SORCS3: variants seen among roughly 807,000 people sequenced by gnomAD.
The protein encoded by SORCS3 is sortilin related VPS10 domain containing receptor 3.
A neutral mutation model predicts 146.3 loss-of-function variants in SORCS3; 57 were observed. The ratio of observed to expected loss-of-function variants is 0.39; its 90% CI spans 0.31 to 0.49. The LOEUF is 0.49. Among genes scored for constraint, SORCS3 ranks in the 20% least tolerant of loss-of-function variants. The pLI is 0.92. For synonymous variants in SORCS3, 653 were observed against 618.5 expected (o/e 1.06, Z -0.83); for missense variants, 1,341 against 1,575.5 (o/e 0.85, Z 2.52).
At chr10:104,927,045 G>T (rs925610873) in intron 3 of SORCS3, among the ~76,000 whole-genome samples, 1 of 152,028 alleles carries the variant, frequency 6.6e-6, no homozygotes, top group Admixed American at 6.6e-5. Context: ...TACTTTTTAG[G>T]TGCTTATGTT....
At position 104,779,851 on chromosome 10, in the gene SORCS3, G is replaced by A. The variant is rs149215221; in HGVS notation, c.628-62941G>A. ...TCTCTACTCTGCCCTGCCTCACCCC[G>A]CGCGCTCCGCCATGTTGATTGGTGA... On this transcript the variant is annotated intron_variant, in intron 1 of 26. Transcript: ENST00000369701. 3.7e-3 allele frequency among the ~76,000 whole-genome samples: 561 copies of A among 152,248 alleles called. 4 individuals carry two copies. Among genetic ancestry groups the A allele is most frequent in the Middle Eastern group, 0.024 (7 of 294 alleles).
rs371934140 is a variant in SORCS3, at chr10:105,021,079, T to A, written c.955-21976T>A. 1.2e-4 allele frequency among the ~76,000 whole-genome samples: 18 copies of A among 152,366 alleles called. No homozygotes were observed. The East Asian group carries it at 2.5e-3, about 21-fold the overall frequency. ...AGATTCTCAGATGGCACCCATTGACTGGCACTTGAGCCATCAGCATGTATG... is the reference window on the plus strand; with the variant it reads ...AGATTCTCAGATGGCACCCATTGACAGGCACTTGAGCCATCAGCATGTATG... On this transcript the variant is annotated intron_variant, in intron 4 of 26. Coordinates refer to ENST00000369701, the MANE Select transcript of SORCS3 (RefSeq NM_014978.3).
At chr10:105,102,695 A>C (rs2055793502) in intron 6 of SORCS3, among the ~76,000 whole-genome samples, 1 of 152,120 alleles carries the variant, frequency 6.6e-6, no homozygotes. Context: ...AAAGAAAAAA[A>C]ACAGTGGCTC....
intron 7 of SORCS3, among the ~76,000 whole-genome samples, chr10:105,119,185 G>A (rs1406241230): frequency 6.6e-6 from 1 of 152,208 alleles, no homozygotes; most frequent in South Asian, 2.1e-4. Flanking sequence ...TACAGCTCAG[G>A]CTGTTGCTTC....
At chr10:104,900,913 G>A (rs1034521233) in intron 2 of SORCS3, among the ~76,000 whole-genome samples, 6 of 124,766 alleles carry the variant, frequency 4.8e-5, no homozygotes, top group African/African-American at 8.9e-5. Flanking sequence ...GGAGGGGGGC[G>A]GGGAAAGAAC....
At chr10:105,030,878 C>G (rs2055261949) in intron 4 of SORCS3, among the ~76,000 whole-genome samples, 1 of 151,718 alleles carries the variant, frequency 6.6e-6, no homozygotes, top group Non-Finnish European at 1.5e-5. Context: ...CAGGTGTGAG[C>G]CACTGCACCT....
intron 7 of SORCS3, among the ~76,000 whole-genome samples, chr10:105,139,033 C>A: frequency 6.6e-6 from 1 of 152,206 alleles, no homozygotes; most frequent in East Asian, 1.9e-4. Flanking sequence ...AATTAATAAA[C>A]AATTCAAAAA....
intron 7 of SORCS3, among the ~76,000 whole-genome samples, chr10:105,115,066 G>A (rs890829586): frequency 2.0e-5 from 3 of 152,136 alleles, no homozygotes; most frequent in African/African-American, 7.2e-5. Context: ...GTGCAATGGA[G>A]CATTGCCCTG....
At chr10:104,987,062 G>T (rs2133659344) in intron 4 of SORCS3, among the ~76,000 whole-genome samples, 1 of 152,088 alleles carries the variant, frequency 6.6e-6, no homozygotes, top group Middle Eastern at 3.4e-3. Flanking sequence ...ATGTATGCCT[G>T]TACGCATTAC....
intron 3 of SORCS3, among the ~76,000 whole-genome samples, chr10:104,930,327 A>G (rs193242324): frequency 6.6e-6 from 1 of 152,380 alleles, no homozygotes; most frequent in Admixed American, 6.5e-5. Context: ...CATATGCTTC[A>G]TAGTAATAAT....
chr10:104,950,283 G>A (rs1266164687), intron 3 of SORCS3, among the ~76,000 whole-genome samples: 1 of 152,180 alleles, frequency 6.6e-6, no homozygotes, highest in Non-Finnish European at 1.5e-5. Flanking sequence ...ACAAAAAATA[G>A]CTAATTTTAG....
chr10:105,088,397 A>G (rs1486463435), intron 5 of SORCS3, among the ~76,000 whole-genome samples: 1 of 152,224 alleles, frequency 6.6e-6, no homozygotes, highest in Non-Finnish European at 1.5e-5. Flanking sequence ...TCTTTGGGGA[A>G]AGAAGTGTTT....
At chr10:104,777,426 T>C (rs1175635077) in intron 1 of SORCS3, among the ~76,000 whole-genome samples, 4 of 152,200 alleles carry the variant, frequency 2.6e-5, no homozygotes, top group Non-Finnish European at 5.9e-5. Flanking sequence ...TCCAACCTGC[T>C]GTAGCTCAGT....
chr10:104,923,682 C>T (rs2019110389), intron 3 of SORCS3, among the ~76,000 whole-genome samples: 1 of 152,158 alleles, frequency 6.6e-6, no homozygotes, highest in South Asian at 2.1e-4. Context: ...GGGAGCTTAG[C>T]TCTGCTGTAC....
intron 1 of SORCS3, among the ~76,000 whole-genome samples, chr10:104,789,849 G>A (rs1554851444): frequency 6.6e-6 from 1 of 152,166 alleles, no homozygotes; most frequent in Non-Finnish European, 1.5e-5. Flanking sequence ...GATCCTGGGG[G>A]CACTGTTTCC....
At chr10:105,148,323 A>G (rs1009559926) in intron 9 of SORCS3, among the ~76,000 whole-genome samples, 1 of 152,188 alleles carries the variant, frequency 6.6e-6, no homozygotes, top group African/African-American at 2.4e-5. Flanking sequence ...ACTGGCCTTG[A>G]CATAAGTGTG....
intron 4 of SORCS3, among the ~76,000 whole-genome samples, chr10:105,037,448 G>A (rs997030002): frequency 6.6e-6 from 1 of 152,166 alleles, no homozygotes; most frequent in African/African-American, 2.4e-5. Context: ...TGGGGGCTAT[G>A]CTCCCTGTGA....
chr10:105,111,294 A>G (rs1177094113), intron 7 of SORCS3, among the ~76,000 whole-genome samples: 4 of 152,186 alleles, frequency 2.6e-5, no homozygotes. Flanking sequence ...CTAAGCTCCA[A>G]TGCAGTTCTT....
chr10:105,163,628 A>G (rs906584283), intron 11 of SORCS3, among the ~76,000 whole-genome samples: 2 of 152,152 alleles, frequency 1.3e-5, no homozygotes, highest in Admixed American at 6.5e-5. Flanking sequence ...ATGGAGTGCC[A>G]GGGGAAGAAA....
Sources: gnomAD v4.1 joint callset for allele counts (sites outside exome capture counted in the v4.1 genomes callset) on GRCh38, gnomAD v4.1.1 for gene constraint, MANE v1.5 for transcripts, NCBI Gene and HGNC (gene_info 2026-07-23, HGNC 2026-07-21) for gene names.